The following RPS6KC1 variants were observed in gnomAD, a reference collection of about 807,000 sequenced individuals.
RPS6KC1 encodes the protein inactive ribosomal protein S6 kinase delta-1.
In RPS6KC1, 54 loss-of-function variants were observed where a neutral mutation model predicts 103.8. The ratio of observed to expected loss-of-function variants is 0.52; its 90% CI spans 0.42 to 0.65. RPS6KC1 has a LOEUF of 0.65. Among genes scored for constraint, RPS6KC1 ranks in the 30% least tolerant of loss-of-function variants. RPS6KC1 has a pLI of 0.00. For missense variants in RPS6KC1, 1,151 were observed against 1,253.8 expected, an observed-to-expected ratio of 0.92 and a Z score of 1.24; for synonymous variants, 439 against 438.7, an observed-to-expected ratio of 1.00 and a Z score of -0.01.
chr1:213,615,143 TG>T, the RPS6KC1 span, among the ~76,000 whole-genome samples: 1 of 152,220 alleles, frequency 6.6e-6, no homozygotes, highest in African/African-American at 2.4e-5. Flanking sequence ...CCTGGTAAGT[TG>T]ATTTTACATT....
chr1:213,363,598 CTCGCTCGCTTGCTTGCTT>C, the RPS6KC1 span, among the ~76,000 whole-genome samples: 642 of 65,264 alleles, frequency 9.8e-3, 93 homozygotes, highest in African/African-American at 0.04. Context: ...TTAGCCCTTG[CTCGCTCGCTTGCTTGCTT>C]GCTTGCTTGC....
chr1:213,314,378 C>G, the RPS6KC1 span, among the ~76,000 whole-genome samples: 152 of 152,330 alleles, frequency 1.0e-3, no homozygotes, highest in African/African-American at 3.5e-3. Context: ...CCCATCCACC[C>G]TACCAGTAAA....
chr1:213,235,108 G>A (rs2094193569), intron 10 of RPS6KC1, among the ~76,000 whole-genome samples: 3 of 152,218 alleles, frequency 2.0e-5, no homozygotes, highest in Non-Finnish European at 2.9e-5. Context: ...TACTGAGAAA[G>A]CAAACCTTGA....
chr1:213,500,645 T>C, the RPS6KC1 span, among the ~76,000 whole-genome samples: 1 of 152,200 alleles, frequency 6.6e-6, no homozygotes, highest in Non-Finnish European at 1.5e-5. Context: ...GGTTGTGCTA[T>C]GACATTAGGA....
chr1:213,846,668 A>G, the RPS6KC1 span, among the ~76,000 whole-genome samples: 16 of 152,206 alleles, frequency 1.1e-4, no homozygotes, highest in African/African-American at 3.9e-4. Context: ...CACAGAGATC[A>G]GAGACTAATA....
the RPS6KC1 span, among the ~76,000 whole-genome samples, chr1:213,434,017 TC>T: frequency 8.5e-5 from 13 of 152,170 alleles, no homozygotes; most frequent in East Asian, 5.8e-4. Context: ...AAGACATTTT[TC>T]CCTAATACAC....
the RPS6KC1 span, among the ~76,000 whole-genome samples, chr1:213,806,406 A>T: frequency 6.6e-6 from 1 of 152,242 alleles, no homozygotes; most frequent in Non-Finnish European, 1.5e-5. Context: ...GCTCTCATCC[A>T]GGCTTTGCTG....
chr1:213,272,480 T>C (rs2095067574), intron 14 of RPS6KC1, 44 bp from the exon 15 acceptor site: 2 of 1,438,036 alleles, frequency 1.4e-6, no homozygotes, highest in South Asian at 2.3e-5. Context: ...TCCTTTGATT[T>C]GCCAGTTGGA....
intron 8 of RPS6KC1, among the ~76,000 whole-genome samples, chr1:213,185,999 T>C (rs1433078532): frequency 2.0e-5 from 3 of 151,362 alleles, no homozygotes; most frequent in African/African-American, 7.3e-5. Context: ...AAAAAAAAAC[T>C]ACACAAAAAT....
At chr1:213,705,645 C>A in the RPS6KC1 span, among the ~76,000 whole-genome samples, 7 of 152,332 alleles carry the variant, frequency 4.6e-5, no homozygotes, top group East Asian at 1.4e-3. Flanking sequence ...ATTATTTTTC[C>A]CTCTGCTTTT....
chr1:213,550,328 A>C, the RPS6KC1 span, among the ~76,000 whole-genome samples: 1 of 152,218 alleles, frequency 6.6e-6, no homozygotes, highest in Non-Finnish European at 1.5e-5. Context: ...GCAGGTAAGC[A>C]CATTTTTCTC....
chr1:213,446,062 G>A, the RPS6KC1 span, among the ~76,000 whole-genome samples: 3 of 152,156 alleles, frequency 2.0e-5, no homozygotes, highest in Non-Finnish European at 4.4e-5. Context: ...GCTGCCTCTT[G>A]GAGCCTTCTG....
the RPS6KC1 span, among the ~76,000 whole-genome samples, chr1:213,686,116 G>C: frequency 6.6e-6 from 1 of 152,176 alleles, no homozygotes; most frequent in Non-Finnish European, 1.5e-5. Flanking sequence ...CAGCCTCCTA[G>C]TTTCAACCAT....
the RPS6KC1 span, among the ~76,000 whole-genome samples, chr1:213,427,678 G>T: frequency 6.6e-6 from 1 of 152,182 alleles, no homozygotes; most frequent in South Asian, 2.1e-4. Context: ...GACCAGAGAG[G>T]TTAAGTCATT....
the RPS6KC1 span, among the ~76,000 whole-genome samples, chr1:213,626,920 G>A: frequency 6.6e-6 from 1 of 152,096 alleles, no homozygotes; most frequent in Non-Finnish European, 1.5e-5. Flanking sequence ...CTCTTTTTTG[G>A]TTCCATATGA....
chr1:213,336,060 T>C, the RPS6KC1 span, among the ~76,000 whole-genome samples: 26 of 152,340 alleles, frequency 1.7e-4, no homozygotes, highest in Non-Finnish European at 3.1e-4. Flanking sequence ...TCTTTTAAAA[T>C]CAACACGGAG....
chr1:213,139,806 T>C (rs2086800017), intron 6 of RPS6KC1, among the ~76,000 whole-genome samples: 1 of 152,042 alleles, frequency 6.6e-6, no homozygotes, highest in Non-Finnish European at 1.5e-5. Context: ...TTTTTGCTTA[T>C]GATTGCTTTG....
At chr1:213,824,315 T>C in the RPS6KC1 span, among the ~76,000 whole-genome samples, 1 of 152,184 alleles carries the variant, frequency 6.6e-6, no homozygotes, top group Non-Finnish European at 1.5e-5. Context: ...CCTCACATCT[T>C]CAAGTGAACA....
At chr1:213,187,913 G>C (rs1241959866) in intron 8 of RPS6KC1, among the ~76,000 whole-genome samples, 15 of 151,996 alleles carry the variant, frequency 9.9e-5, no homozygotes. Flanking sequence ...AGCTCTAGGA[G>C]GTACCTTAAG....
Sources: allele counts gnomAD v4.1 joint callset (sites outside exome capture counted in the v4.1 genomes callset), GRCh38; gene constraint gnomAD v4.1.1; transcripts MANE v1.5; gene names NCBI Gene and HGNC (gene_info 2026-07-23, HGNC 2026-07-21).